ASIC5: variants seen among roughly 807,000 people sequenced by gnomAD.
ASIC5 encodes bile acid-sensitive ion channel.
In ASIC5, 52 loss-of-function variants were observed where a neutral mutation model predicts 51.2. The ratio of observed to expected loss-of-function variants is 1.02; its 90% CI spans 0.81 to 1.28. The LOEUF (loss-of-function observed/expected upper bound fraction) is 1.28, where lower values mean the gene tolerates loss of function less well. Among genes scored for constraint, ASIC5 ranks in the 50% most tolerant of loss-of-function variants. The pLI, the probability that ASIC5 is intolerant of heterozygous loss-of-function variation, is 0.00. For synonymous variants in ASIC5, 231 were observed against 200.7 expected (o/e 1.15, Z -1.28); for missense variants, 635 against 595.0 (o/e 1.07, Z -0.70).
intron 6 of ASIC5, among the ~76,000 whole-genome samples, chr4:155,839,801 T>G (rs573667157): frequency 1.4e-4 from 21 of 151,062 alleles, no homozygotes; most frequent in African/African-American, 5.1e-4. Context: ...GGCAATAATA[T>G]TTCTTCCATT....
Position 155,829,737 on chromosome 4 carries a change from C to T in ASIC5, c.*119G>A. On this transcript the variant is annotated 3_prime_UTR_variant, in exon 10 of 10. Transcript: ENST00000537611. ...AGAAAGAAATATATATGAAGAGATA[C>T]ATATCTTTAATGGCTTTTATCGAAC... is the stretch of plus-strand genomic sequence containing the variant. The T allele has an allele frequency of 1.8e-6, 1 of 551,664 alleles. No individual in the cohort carries two copies. The highest frequency in any genetic ancestry group is 4.0e-5 in the Admixed American group (1 of 25,060). 34.2% of individuals were successfully genotyped at this position (551,664 alleles called of 1,614,324 possible).
At position 155,843,668 on chromosome 4, in the gene ASIC5, C is replaced by T. The variant is rs1177674534; in HGVS notation, c.861+13G>A. On this transcript the variant is annotated intron_variant, in intron 5 of 9. Coordinates refer to ENST00000537611, the MANE Select transcript of ASIC5 (RefSeq NM_017419.3). ...CACTACCCCACCTAATTTCCTCAGA[C>T]TCGAGTATTTACCTTCACTTGGCGG... 6.2e-7 allele frequency: 1 copy of T among 1,612,838 alleles called. No individual in the cohort carries two copies. Among genetic ancestry groups the T allele is most frequent in the Non-Finnish European group, 8.5e-7 (1 of 1,179,314 alleles).
chr4:155,835,338 C>T (rs933841646), intron 8 of ASIC5, among the ~76,000 whole-genome samples: 2 of 150,808 alleles, frequency 1.3e-5, no homozygotes, highest in Non-Finnish European at 1.5e-5. Flanking sequence ...ACCGAACAGG[C>T]GAGCAACACC....
At chr4:155,863,982 G>A (rs1514009) in intron 1 of ASIC5, among the ~76,000 whole-genome samples, 110,691 of 152,068 alleles carry the variant, frequency 0.73, 43,424 homozygotes, top group Non-Finnish European at 0.87. Flanking sequence ...TTCATAGAAC[G>A]GCTATTATTA....
chr4:155,842,429 A>T (rs774209439), intron 5 of ASIC5, 75 bp from the exon 6 acceptor site: 6 of 1,370,566 alleles, frequency 4.4e-6, no homozygotes, highest in Middle Eastern at 2.2e-4. Context: ...AGAAGCTGGT[A>T]CACATTTTTA....
intron 2 of ASIC5, among the ~76,000 whole-genome samples, chr4:155,860,089 CACATTTTGGGTT>C (rs1356203509): frequency 6.6e-6 from 1 of 151,818 alleles, no homozygotes; most frequent in East Asian, 1.9e-4. Context: ...TTAAGGCTTC[CACATTTTGGGTT>C]ATTTGAATAT....
chr4:155,852,394 T>A, intron 3 of ASIC5, 78 bp from the exon 4 acceptor site: 1 of 1,323,884 alleles, frequency 7.6e-7, no homozygotes, highest in Non-Finnish European at 1.0e-6. Context: ...TAACCTTTTT[T>A]TTTAAAGCAC....
chr4:155,836,688 C>A lies in ASIC5; in HGVS notation c.1235+1G>T, dbSNP rs1740988231. ...ATAATTTAAAAGGCTAGTAAGGTTA[C>A]CTGATGTATTTCCGGCTTTGATTCA... On this transcript the variant is annotated splice_donor_variant, in intron 8 of 9. Coordinates refer to ENST00000537611, the MANE Select transcript of ASIC5 (RefSeq NM_017419.3). LOFTEE classifies it high-confidence loss of function. The A allele has an allele frequency of 6.9e-6, 11 of 1,593,662 alleles. No individual in the cohort carries two copies. Among genetic ancestry groups the A allele is most frequent in the Non-Finnish European group, 9.4e-6 (11 of 1,164,718 alleles).
chr4:155,856,619 G>T (rs1273517057), intron 2 of ASIC5, among the ~76,000 whole-genome samples: 1 of 151,982 alleles, frequency 6.6e-6, no homozygotes, highest in African/African-American at 2.4e-5. Flanking sequence ...TAATAACCTT[G>T]CATTTCTTGG....
At chr4:155,848,151 GT>G (rs1460741173) in intron 4 of ASIC5, among the ~76,000 whole-genome samples, 2 of 151,690 alleles carry the variant, frequency 1.3e-5, no homozygotes, top group South Asian at 2.1e-4. Flanking sequence ...AAAGAATGAA[GT>G]TTTTTTCTTT....
chr4:155,865,784 C>T (rs1741847396), intron 1 of ASIC5, among the ~76,000 whole-genome samples: 1 of 152,050 alleles, frequency 6.6e-6, no homozygotes, highest in Admixed American at 6.6e-5. Flanking sequence ...TTCTTACTCT[C>T]CTGACTGGAG....
intron 4 of ASIC5, among the ~76,000 whole-genome samples, chr4:155,845,092 G>T (rs1236282518): frequency 6.6e-6 from 1 of 150,546 alleles, no homozygotes; most frequent in Non-Finnish European, 1.5e-5. Flanking sequence ...CAGCAATCAA[G>T]AGGAAAAAAA....
chr4:155,860,019 T>A (rs1361131906), intron 2 of ASIC5, among the ~76,000 whole-genome samples: 2 of 152,040 alleles, frequency 1.3e-5, no homozygotes, highest in Admixed American at 6.6e-5. Context: ...TAAGACTGAA[T>A]TGACAAAGTC....
rs1335714350 is a variant in ASIC5 at position 155,831,926 on chromosome 4, A to T, written c.1236-11T>A. The stretch of plus-strand genomic sequence containing the variant: ...TTTACAAGATTCTCCCTAGGGATAA[A>T]AAAGAGAGTTAATATAGCTTAAGAT... On this transcript the variant is annotated splice_polypyrimidine_tract_variant and intron_variant, in intron 8 of 9. Transcript: ENST00000537611. 7.3e-7 allele frequency: 1 copy of T among 1,374,408 alleles called. No individual in the cohort carries two copies. The highest frequency in any genetic ancestry group is 1.0e-6 in the Non-Finnish European group (1 of 969,424). 85.1% of individuals were successfully genotyped at this position (1,374,408 alleles called of 1,614,324 possible). A position where few individuals can be genotyped will look rare whatever the true frequency, so the allele number is the denominator to read the frequency against.
At chr4:155,840,499 A>G (rs1741092611) in intron 6 of ASIC5, among the ~76,000 whole-genome samples, 1 of 146,952 alleles carries the variant, frequency 6.8e-6, no homozygotes, top group African/African-American at 2.5e-5. Flanking sequence ...TTATATTTAT[A>G]TTTTATATAT....
chr4:155,844,457 T>G (rs1352827049), intron 4 of ASIC5, among the ~76,000 whole-genome samples: 1 of 152,116 alleles, frequency 6.6e-6, no homozygotes, highest in East Asian at 1.9e-4. Flanking sequence ...TGGTTTGGGA[T>G]TCTTTCTTGC....
chr4:155,849,837 C>A (rs552063693), intron 4 of ASIC5, among the ~76,000 whole-genome samples: 1 of 152,196 alleles, frequency 6.6e-6, no homozygotes, highest in Admixed American at 6.5e-5. Context: ...AGCCTATTTA[C>A]ATACATAAGC....
chr4:155,838,391 T>C (rs1163474138), intron 7 of ASIC5, among the ~76,000 whole-genome samples: 2 of 152,142 alleles, frequency 1.3e-5, no homozygotes, highest in East Asian at 3.9e-4. Flanking sequence ...ATGAAAAAAT[T>C]TTATATGCCA....
At chr4:155,858,442 T>G (rs1458646529) in intron 2 of ASIC5, among the ~76,000 whole-genome samples, 1 of 152,088 alleles carries the variant, frequency 6.6e-6, no homozygotes, top group Non-Finnish European at 1.5e-5. Flanking sequence ...ATGAAGTCGT[T>G]GACAAATATT....
Sources: allele counts gnomAD v4.1 joint callset (sites outside exome capture counted in the v4.1 genomes callset), GRCh38; gene constraint gnomAD v4.1.1; transcripts MANE v1.5; gene names NCBI Gene and HGNC (gene_info 2026-07-23, HGNC 2026-07-21).